FOXP1: variants seen among roughly 807,000 people sequenced by gnomAD.
The protein encoded by FOXP1 is forkhead box protein P1.
Under a neutral mutation model 98.2 loss-of-function variants are expected in FOXP1, and 15 were observed. The observed-to-expected ratio is 0.15, with a 90% CI of 0.10 to 0.24. The LOEUF is 0.24. FOXP1 is among the 10% of genes least tolerant of loss of function. FOXP1 has a pLI of 1.00. For missense variants in FOXP1, 633 were observed against 848.5 expected (o/e 0.75, Z 3.15); for synonymous variants, 371 against 314.5 (o/e 1.18, Z -1.90).
chr3:70,972,498 T>C (rs2036477867), intron 18 of FOXP1, 57 bp downstream of exon 18: 1 of 1,611,694 alleles, frequency 6.2e-7, no homozygotes, highest in Admixed American at 1.7e-5. Context: ...AGCCTCTACG[T>C]TATACTTGTT....
intron 3 of FOXP1, among the ~76,000 whole-genome samples, chr3:71,483,141 A>G (rs2090410130): frequency 6.6e-6 from 1 of 152,102 alleles, no homozygotes; most frequent in South Asian, 2.1e-4. Context: ...GCCCAGCCTT[A>G]CGTCACTTTT....
In FOXP1 at chr3:70,956,128, C is replaced by G; in HGVS notation, c.*3119G>C. On this transcript the variant is annotated 3_prime_UTR_variant, in exon 21 of 21. Coordinates refer to ENST00000649528, the MANE Select transcript of FOXP1 (RefSeq NM_001349338.3). ...TGCACAAAAAGCAAAGGTGTTTTGA[C>G]AAACAGGTGTATGCATTTATTCCTT... The G allele has an allele frequency of 4.3e-6, 1 of 232,802 alleles. No homozygotes were observed. The highest frequency in any genetic ancestry group is 8.5e-6 in the Non-Finnish European group (1 of 117,834). The allele number at this position is 232,802 out of a possible 1,614,324, so 14.4% of individuals were successfully genotyped here. A position where few individuals can be genotyped will look rare whatever the true frequency, so the allele number is the denominator to read the frequency against.
chr3:71,183,621 T>C (rs529313857), intron 6 of FOXP1, among the ~76,000 whole-genome samples: 1 of 152,324 alleles, frequency 6.6e-6, no homozygotes, highest in South Asian at 2.1e-4. Flanking sequence ...ATTATTTCCG[T>C]TTGATGGATA....
chr3:71,222,428 T>A (rs993030045), intron 5 of FOXP1, among the ~76,000 whole-genome samples: 17 of 152,074 alleles, frequency 1.1e-4, no homozygotes, highest in African/African-American at 4.1e-4. Context: ...TTTTTATTTT[T>A]ATTTTTTTGA....
chr3:71,072,127 G>A (rs1288986), intron 7 of FOXP1, among the ~76,000 whole-genome samples: 145,176 of 152,242 alleles, frequency 0.95, 69,566 homozygotes, highest in East Asian at 1. Context: ...TTCAAGACCA[G>A]CTAGGGCAAT....
chr3:71,453,292 A>T (rs1577595652), intron 3 of FOXP1, among the ~76,000 whole-genome samples: 1 of 152,172 alleles, frequency 6.6e-6, no homozygotes, highest in Non-Finnish European at 1.5e-5. Flanking sequence ...AGAATAAAGC[A>T]AGATCCCTTC....
chr3:71,478,270 C>A (rs563383275), intron 3 of FOXP1, among the ~76,000 whole-genome samples: 1 of 152,084 alleles, frequency 6.6e-6, no homozygotes, highest in African/African-American at 2.4e-5. Context: ...ATCCGTAATA[C>A]CACCATCTGA....
At chr3:71,139,502 AAAAG>A (rs946422002) in intron 6 of FOXP1, among the ~76,000 whole-genome samples, 1 of 152,068 alleles carries the variant, frequency 6.6e-6, no homozygotes, top group Non-Finnish European at 1.5e-5. Flanking sequence ...TAAAAAAAAA[AAAAG>A]AAACGTTAAT....
intron 3 of FOXP1, among the ~76,000 whole-genome samples, chr3:71,375,154 G>C (rs2079622737): frequency 6.6e-6 from 1 of 152,184 alleles, no homozygotes; most frequent in Non-Finnish European, 1.5e-5. Context: ...TAGAAAAGTG[G>C]TTACCTCTAA....
chr3:71,501,814 A>G (rs1321798147), intron 2 of FOXP1, among the ~76,000 whole-genome samples: 1 of 152,172 alleles, frequency 6.6e-6, no homozygotes, highest in African/African-American at 2.4e-5. Context: ...CTTTTACATC[A>G]TCTAAGACTC....
intron 5 of FOXP1, among the ~76,000 whole-genome samples, chr3:71,268,512 G>A (rs2069974166): frequency 1.3e-5 from 2 of 152,104 alleles, no homozygotes; most frequent in Admixed American, 6.5e-5. Context: ...TTCCACACCA[G>A]GGGCGATACT....
At chr3:71,058,889 A>C (rs1429169538) in intron 7 of FOXP1, among the ~76,000 whole-genome samples, 4 of 151,632 alleles carry the variant, frequency 2.6e-5, no homozygotes, top group Non-Finnish European at 5.9e-5. Context: ...GGTCTTAAAA[A>C]AATAAAAAAA....
chr3:71,429,596 G>A (rs1162107043), intron 3 of FOXP1, among the ~76,000 whole-genome samples: 1 of 152,134 alleles, frequency 6.6e-6, no homozygotes, highest in Non-Finnish European at 1.5e-5. Context: ...AGCAAAACCT[G>A]AAAGAGTATT....
chr3:71,535,678 C>T (rs538102074), intron 2 of FOXP1, among the ~76,000 whole-genome samples: 46 of 152,224 alleles, frequency 3.0e-4, no homozygotes, highest in Admixed American at 1.4e-3. Context: ...AAGCTGCAGT[C>T]GCACCACTAC....
At chr3:71,509,541 G>C (rs2042048844) in intron 2 of FOXP1, among the ~76,000 whole-genome samples, 1 of 152,094 alleles carries the variant, frequency 6.6e-6, no homozygotes, top group Admixed American at 6.6e-5. Context: ...GAGGGCTTCA[G>C]TGTATACATC....
At chr3:71,246,143 C>T (rs192260134) in intron 5 of FOXP1, among the ~76,000 whole-genome samples, 2 of 152,016 alleles carry the variant, frequency 1.3e-5, no homozygotes, top group Admixed American at 1.3e-4. Flanking sequence ...CTGGCCCCGA[C>T]GCTGAGAAGG....
Position 70,959,022 on chromosome 3 carries a change from A to G in FOXP1, c.*225T>C. ...TACCAAACAAGTCCATCCAATGCACAGAGTACAAATTCCTTTTTTCAACAA... is the reference window on the plus strand; with the variant it reads ...TACCAAACAAGTCCATCCAATGCACGGAGTACAAATTCCTTTTTTCAACAA... On this transcript the variant is annotated 3_prime_UTR_variant, in exon 21 of 21. Transcript: ENST00000649528. 1.9e-6 allele frequency: 1 copy of G among 521,446 alleles called. No homozygotes were observed. Among genetic ancestry groups the G allele is most frequent in the Non-Finnish European group, 3.4e-6 (1 of 290,084 alleles). 32.3% of individuals were successfully genotyped at this position (521,446 alleles called of 1,614,324 possible). A position where few individuals can be genotyped will look rare whatever the true frequency, so the allele number is the denominator to read the frequency against.
chr3:71,557,970 C>T (rs1487006824), intron 2 of FOXP1, among the ~76,000 whole-genome samples: 1 of 152,176 alleles, frequency 6.6e-6, no homozygotes, highest in African/African-American at 2.4e-5. Flanking sequence ...GCATGAGCCA[C>T]CACATCTGGC....
intron 8 of FOXP1, among the ~76,000 whole-genome samples, chr3:71,053,321 G>C (rs755270873): frequency 6.6e-6 from 1 of 152,108 alleles, no homozygotes; most frequent in Non-Finnish European, 1.5e-5. Flanking sequence ...TCCTCATTTT[G>C]CTTTGATTCA....
Sources: allele counts gnomAD v4.1 joint callset (sites outside exome capture counted in the v4.1 genomes callset), GRCh38; gene constraint gnomAD v4.1.1; transcripts MANE v1.5; gene names NCBI Gene and HGNC (gene_info 2026-07-23, HGNC 2026-07-21).